KDM1B: variants seen among roughly 807,000 people sequenced by gnomAD.
KDM1B encodes lysine-specific histone demethylase 2.
A neutral mutation model predicts 107.4 loss-of-function variants in KDM1B; 63 were observed. The ratio of observed to expected loss-of-function variants is 0.59; its 90% CI spans 0.48 to 0.72. The LOEUF is 0.72. KDM1B is among the 30% of genes least tolerant of loss of function. KDM1B has a pLI of 0.00. For synonymous variants in KDM1B, 363 were observed against 363.9 expected (o/e 1.00, Z 0.03); for missense variants, 749 against 1,020.8 (o/e 0.73, Z 3.63).
chr6:18,157,292 A>C (rs1245783990), intron 2 of KDM1B, among the ~76,000 whole-genome samples: 3 of 152,238 alleles, frequency 2.0e-5, no homozygotes, highest in Admixed American at 6.5e-5. Context: ...TCAATTGTAT[A>C]AAGTTGAAAA....
chr6:18,191,465 C>G lies in KDM1B; in HGVS notation c.969+84C>G. Reference sequence around the variant, plus strand: ...GGGGATACTTCATCTGGGGATGGAACCTTTTATGCCAGGGTTTCTCAGCCG... The same window carrying G: ...GGGGATACTTCATCTGGGGATGGAAGCTTTTATGCCAGGGTTTCTCAGCCG... On this transcript the variant is annotated intron_variant, in intron 10 of 21. Coordinates refer to ENST00000650836, the MANE Select transcript of KDM1B (RefSeq NM_001364614.2). This position sits in a 1 kb window ranked among gnomAD's most constrained non-coding sequence, Gnocchi z 5.1. 1.5e-6 allele frequency: 2 copies of G among 1,372,490 alleles called. No individual in the cohort carries two copies. Among genetic ancestry groups the G allele is most frequent in the East Asian group, 2.5e-5 (1 of 39,480 alleles). 85.0% of individuals were successfully genotyped at this position (1,372,490 alleles called of 1,614,324 possible).
chr6:18,194,876 A>C (rs1350487119), intron 10 of KDM1B, among the ~76,000 whole-genome samples: 1 of 152,106 alleles, frequency 6.6e-6, no homozygotes, highest in Admixed American at 6.6e-5. Context: ...AACCATCACC[A>C]CTATCTAGTT....
At chr6:18,165,127 GA>G (rs1785210193) in intron 5 of KDM1B, among the ~76,000 whole-genome samples, 1 of 49,698 alleles carries the variant, frequency 2.0e-5, no homozygotes, top group Non-Finnish European at 4.1e-5. Context: ...TGCCTTCTCT[GA>G]TTTTTTTTTT....
In KDM1B at chr6:18,161,456, T is replaced by G; in HGVS notation, c.215+2T>G. On this transcript the variant is annotated splice_donor_variant, in intron 4 of 21. Coordinates refer to ENST00000650836, the MANE Select transcript of KDM1B (RefSeq NM_001364614.2). LOFTEE classifies it high-confidence loss of function. Reference sequence around the variant, plus strand: ...GTGCTTTGCAAGTGCTTCTGAAAGGTCTGTTTAGATGTGTGTCTTGGCCTC... The same window carrying G: ...GTGCTTTGCAAGTGCTTCTGAAAGGGCTGTTTAGATGTGTGTCTTGGCCTC... 6.2e-7 allele frequency: 1 copy of G among 1,613,806 alleles called. No homozygotes were observed. The highest frequency in any genetic ancestry group is 8.5e-7 in the Non-Finnish European group (1 of 1,179,928).
chr6:18,222,025 C>T lies in KDM1B; in HGVS notation c.*33C>T, dbSNP rs940314772. 5.1e-6 allele frequency: 8 copies of T among 1,583,140 alleles called. No homozygotes were observed. In the African/African-American group the frequency reaches 8.1e-5, roughly 16 times the overall value. Reference sequence around the variant, plus strand: ...GTGGACCCAGCTTTCTTCTGTACCCCAGATGGGGAAATTTGAATCACATGT... The same window carrying T: ...GTGGACCCAGCTTTCTTCTGTACCCTAGATGGGGAAATTTGAATCACATGT... On this transcript the variant is annotated 3_prime_UTR_variant, in exon 22 of 22. Coordinates refer to ENST00000650836, the MANE Select transcript of KDM1B (RefSeq NM_001364614.2).
At position 18,197,665 on chromosome 6, in the gene KDM1B, G is replaced by C; in HGVS notation, c.1221+4G>C. ...ACTGCATAACTTTGGAATTAAGGTA[G>C]GATTTTGGGGACATGGAGTTAGAAC... On this transcript the variant is annotated splice_donor_region_variant and intron_variant, in intron 12 of 21. Coordinates refer to ENST00000650836, the MANE Select transcript of KDM1B (RefSeq NM_001364614.2). This position sits in a 1 kb window ranked among gnomAD's most constrained non-coding sequence, Gnocchi z 4.5. 1 of 1,612,162 alleles carries C rather than the reference G, an allele frequency of 6.2e-7. No individual in the cohort carries two copies. The highest frequency in any genetic ancestry group is 8.5e-7 in the Non-Finnish European group (1 of 1,178,368).
chr6:18,219,949 T>G (rs565994320), intron 21 of KDM1B, among the ~76,000 whole-genome samples: 90 of 152,286 alleles, frequency 5.9e-4, no homozygotes, highest in Non-Finnish European at 1.1e-3. Context: ...CTCTGAGGAG[T>G]TGCAGCCGGT....
chr6:18,193,190 T>A (rs144861176), intron 10 of KDM1B, among the ~76,000 whole-genome samples: 12,163 of 126,798 alleles, frequency 0.096, 730 homozygotes, highest in Non-Finnish European at 0.13. Context: ...AACGAAACTC[T>A]GTCTAAAAAA....
chr6:18,194,832 C>T (rs1263300640), intron 10 of KDM1B, among the ~76,000 whole-genome samples: 1 of 152,104 alleles, frequency 6.6e-6, no homozygotes, highest in East Asian at 1.9e-4. Context: ...GTGAAATTTA[C>T]AGCTCAGTGG....
rs879885593 is a variant in KDM1B at position 18,204,243 on chromosome 6, G to C, written c.1532-1294G>C. 6.6e-6 allele frequency among the ~76,000 whole-genome samples: 1 copy of C among 152,076 alleles called. No individual in the cohort carries two copies. Among genetic ancestry groups the C allele is most frequent in the East Asian group, 1.9e-4 (1 of 5,186 alleles). ...ATTACACCTGTAATCCCAGCACTTCGGGAGGCTGAGGTGGGTAGATTTCTT... is the reference window on the plus strand; with the variant it reads ...ATTACACCTGTAATCCCAGCACTTCCGGAGGCTGAGGTGGGTAGATTTCTT... On this transcript the variant is annotated intron_variant, in intron 14 of 21. Transcript: ENST00000650836. This position sits in a 1 kb window ranked among gnomAD's most constrained non-coding sequence, Gnocchi z 4.9.
intron 15 of KDM1B, among the ~76,000 whole-genome samples, chr6:18,206,128 A>G (rs1788351865): frequency 1.3e-5 from 2 of 150,090 alleles, no homozygotes; most frequent in Non-Finnish European, 3.0e-5. Context: ...TTAACCCCAC[A>G]GTGGTTTTGG....
intron 7 of KDM1B, among the ~76,000 whole-genome samples, chr6:18,174,188 G>A (rs146225221): frequency 1.8e-3 from 278 of 152,286 alleles, no homozygotes; most frequent in African/African-American, 6.3e-3. Context: ...CTGCTGTCAT[G>A]ATTATTGTAT....
chr6:18,161,593 C>A, intron 4 of KDM1B, 139 bp downstream of exon 4: 1 of 921,544 alleles, frequency 1.1e-6, no homozygotes, highest in Non-Finnish European at 1.6e-6. Flanking sequence ...AGACATTGCC[C>A]AGACATTCTG....
At chr6:18,167,169 A>G (rs1198727643) in intron 6 of KDM1B, among the ~76,000 whole-genome samples, 1 of 151,992 alleles carries the variant, frequency 6.6e-6, no homozygotes, top group Non-Finnish European at 1.5e-5. Context: ...ATCCTGGCCA[A>G]CATGGGGAAA....
chr6:18,188,053 T>A, intron 9 of KDM1B, 51 bp downstream of exon 9: 1 of 1,473,272 alleles, frequency 6.8e-7, no homozygotes, highest in Non-Finnish European at 9.3e-7. Context: ...CTCCCCTCCC[T>A]GAGGAACGTG....
In KDM1B at chr6:18,162,328, A is replaced by T. The variant is rs1785024451; in HGVS notation, c.216-507A>T. Among the ~76,000 whole-genome samples, 1 of 152,200 alleles carries T rather than the reference A, an allele frequency of 6.6e-6. No homozygotes were observed. Among genetic ancestry groups the T allele is most frequent in the Admixed American group, 6.5e-5 (1 of 15,274 alleles). On this transcript the variant is annotated intron_variant, in intron 4 of 21. Coordinates refer to ENST00000650836, the MANE Select transcript of KDM1B (RefSeq NM_001364614.2). The surrounding 1 kb of genome is among the most constrained non-coding windows in gnomAD (Gnocchi z 4.1). ...CAGAGCAAGACTCCATCTCAAATAA[A>T]TAAAAAAATATTAAAAATAAACACA...
intron 12 of KDM1B, among the ~76,000 whole-genome samples, chr6:18,199,699 CTT>C (rs10706835): frequency 0.021 from 2,903 of 139,262 alleles, 90 homozygotes; most frequent in African/African-American, 0.068. Context: ...GAGTGGCATA[CTT>C]TTTTTTTTTT....
Position 18,208,228 on chromosome 6 carries a change from G to A in KDM1B, c.1866+22G>A, listed in dbSNP as rs768031550. 4 of 1,575,346 alleles carry A rather than the reference G, an allele frequency of 2.5e-6. No individual in the cohort carries two copies. The African/African-American group carries it at 4.1e-5, about 16-fold the overall frequency. On this transcript the variant is annotated intron_variant, in intron 17 of 21. Coordinates refer to ENST00000650836, the MANE Select transcript of KDM1B (RefSeq NM_001364614.2). ...AAAGGTAAGAGCTAGGGCAGTACAA[G>A]GGTGGGTAGAAACCTTTGCTGCCAG...
intron 7 of KDM1B, among the ~76,000 whole-genome samples, chr6:18,174,453 G>T (rs186247440): frequency 6.6e-6 from 1 of 152,076 alleles, no homozygotes. Flanking sequence ...TGGCTGATAC[G>T]TATTTATTTT....
Sources: gnomAD v4.1 joint callset for allele counts (sites outside exome capture counted in the v4.1 genomes callset) on GRCh38, gnomAD v4.1.1 for gene constraint, Gnocchi (gnomAD v3.1) non-coding constraint, MANE v1.5 for transcripts, NCBI Gene and HGNC (gene_info 2026-07-23, HGNC 2026-07-21) for gene names.